ULK4: variants seen among roughly 807,000 people sequenced by gnomAD.
The protein encoded by ULK4 is unc-51 like kinase 4, also known as inactive serine/threonine-protein kinase ULK4.
In ULK4, 133 loss-of-function variants were observed where a neutral mutation model predicts 160.6. The observed-to-expected ratio is 0.83, with a 90% CI of 0.72 to 0.96. ULK4 has a LOEUF of 0.96. Among genes scored for constraint, ULK4 ranks in the 40% least tolerant of loss-of-function variants. ULK4 has a pLI of 0.00. For synonymous variants in ULK4, 534 were observed against 539.8 expected, an observed-to-expected ratio of 0.99 and a Z score of 0.15; for missense variants, 1,580 against 1,499.5, an observed-to-expected ratio of 1.05 and a Z score of -0.89.
chr3:41,655,446 G>A (rs532344417), intron 30 of ULK4, among the ~76,000 whole-genome samples: 336 of 151,844 alleles, frequency 2.2e-3, no homozygotes, highest in African/African-American at 7.7e-3. Context: ...GTTAATGGGT[G>A]CAGCACACCA....
intron 35 of ULK4, 142 bp from the exon 36 acceptor site, chr3:41,249,716 A>T: frequency 2.6e-6 from 2 of 784,262 alleles, no homozygotes; most frequent in Non-Finnish European, 4.1e-6. Flanking sequence ...GCTTGTCTGT[A>T]ACCCCCATGC....
chr3:41,273,934 C>T (rs1373345280), intron 35 of ULK4, among the ~76,000 whole-genome samples: 1 of 152,168 alleles, frequency 6.6e-6, no homozygotes, highest in African/African-American at 2.4e-5. Context: ...AAAGCCCACA[C>T]CAGAAGCCAG....
intron 22 of ULK4, among the ~76,000 whole-genome samples, chr3:41,736,163 T>C (rs1209777659): frequency 6.6e-6 from 1 of 151,904 alleles, no homozygotes; most frequent in Non-Finnish European, 1.5e-5. Flanking sequence ...CGTGTGCATG[T>C]GTCTTTATAG....
chr3:41,400,801 A>G (rs1230897140), intron 34 of ULK4, among the ~76,000 whole-genome samples: 3 of 152,176 alleles, frequency 2.0e-5, no homozygotes, highest in Admixed American at 6.5e-5. Context: ...CCTAGCATCA[A>G]TGTACAAAAG....
At chr3:41,269,089 G>A (rs898829350) in intron 35 of ULK4, among the ~76,000 whole-genome samples, 3 of 152,124 alleles carry the variant, frequency 2.0e-5, no homozygotes, top group African/African-American at 7.2e-5. Context: ...CCACTTGAGT[G>A]AGAATTTGAA....
chr3:41,655,372 T>A (rs2034897947), intron 30 of ULK4, among the ~76,000 whole-genome samples: 1 of 98,794 alleles, frequency 1.0e-5, no homozygotes, highest in Non-Finnish European at 1.9e-5. Context: ...CACCGGGGAC[T>A]GTTGTGGGGT....
chr3:41,324,323 C>T (rs2080302651), intron 35 of ULK4, among the ~76,000 whole-genome samples: 1 of 152,236 alleles, frequency 6.6e-6, no homozygotes, highest in African/African-American at 2.4e-5. Flanking sequence ...AGGGGGACCA[C>T]TGAACACCTG....
At chr3:41,873,131 G>A (rs537968798) in intron 17 of ULK4, among the ~76,000 whole-genome samples, 71 of 152,132 alleles carry the variant, frequency 4.7e-4, no homozygotes, top group African/African-American at 1.7e-3. Flanking sequence ...CAGCCTGGCC[G>A]ACAGGGCGAG....
chr3:41,945,890 T>C (rs991338647), intron 2 of ULK4, among the ~76,000 whole-genome samples: 1 of 152,142 alleles, frequency 6.6e-6, no homozygotes, highest in South Asian at 2.1e-4. Flanking sequence ...TCACACCTCA[T>C]ACCCAATCCA....
chr3:41,823,001 C>A (rs1237008548), intron 18 of ULK4, among the ~76,000 whole-genome samples: 1 of 151,016 alleles, frequency 6.6e-6, no homozygotes, highest in African/African-American at 2.5e-5. Flanking sequence ...GGATTATAGG[C>A]ATGAGCCACC....
rs138279497 is a variant in ULK4, at chr3:41,510,598, G to C, written c.3227-47345C>G. On this transcript the variant is annotated intron_variant, in intron 32 of 36. Transcript: ENST00000301831. ...ATGATAAAGCACAAAATAAGTCTCA[G>C]TAAATTTTAAAAAATCGAAATTATA... Among the ~76,000 whole-genome samples, 214 of 152,234 alleles carry C rather than the reference G, an allele frequency of 1.4e-3. 1 individual carries two copies. Among genetic ancestry groups the C allele is most frequent in the African/African-American group, 4.9e-3 (205 of 41,532 alleles).
chr3:41,868,724 C>T (rs1717033), intron 17 of ULK4, among the ~76,000 whole-genome samples: 48,169 of 151,728 alleles, frequency 0.32, 11,294 homozygotes, highest in African/African-American at 0.67. Context: ...CTTGAACTTC[C>T]GACCTCAAGT....
chr3:41,782,636 T>G (rs148828455), intron 21 of ULK4, among the ~76,000 whole-genome samples: 72 of 152,296 alleles, frequency 4.7e-4, no homozygotes, highest in African/African-American at 1.7e-3. Flanking sequence ...GAGTTTAATT[T>G]TATCACATTT....
At chr3:41,424,455 C>T (rs1302610014) in intron 34 of ULK4, among the ~76,000 whole-genome samples, 1 of 152,174 alleles carries the variant, frequency 6.6e-6, no homozygotes, top group Non-Finnish European at 1.5e-5. Context: ...AGATCCCATG[C>T]CTCCTGACTG....
At chr3:41,269,492 T>C (rs1000331013) in intron 35 of ULK4, among the ~76,000 whole-genome samples, 6 of 152,082 alleles carry the variant, frequency 3.9e-5, no homozygotes, top group Non-Finnish European at 8.8e-5. Flanking sequence ...TAATTGAGGA[T>C]ATTAGGAGGC....
chr3:41,698,105 G>A (rs781542884), intron 27 of ULK4, among the ~76,000 whole-genome samples: 1 of 152,170 alleles, frequency 6.6e-6, no homozygotes, highest in Non-Finnish European at 1.5e-5. Context: ...TATAGCCTAG[G>A]TGTGTAATGG....
intron 22 of ULK4, among the ~76,000 whole-genome samples, chr3:41,726,814 A>T (rs1409166503): frequency 6.6e-6 from 1 of 152,010 alleles, no homozygotes; most frequent in East Asian, 1.9e-4. Flanking sequence ...GTTTCATTTA[A>T]TTTTTATATT....
chr3:41,383,096 T>C (rs1479402061), intron 35 of ULK4, among the ~76,000 whole-genome samples: 2 of 102,990 alleles, frequency 1.9e-5, no homozygotes, highest in East Asian at 2.1e-4. Flanking sequence ...TTTCTTTTTT[T>C]TTTTCTTGTT....
intron 22 of ULK4, among the ~76,000 whole-genome samples, chr3:41,738,180 A>T (rs1347437829): frequency 1.4e-4 from 22 of 152,012 alleles, no homozygotes; most frequent in Admixed American, 1.4e-3. Context: ...GCAACATCTT[A>T]GAATATGACT....
Sources: allele counts gnomAD v4.1 joint callset (sites outside exome capture counted in the v4.1 genomes callset), GRCh38; gene constraint gnomAD v4.1.1; transcripts MANE v1.5; gene names NCBI Gene and HGNC (gene_info 2026-07-23, HGNC 2026-07-21).